NLGN3: variants seen among roughly 807,000 people sequenced by gnomAD.
NLGN3 encodes the protein neuroligin 3.
NLGN3 carries 11 observed loss-of-function variants against 42.9 expected under a neutral mutation model. The observed-to-expected ratio is 0.26, with a 90% CI of 0.16 to 0.42. The LOEUF is 0.42. Among genes scored for constraint, NLGN3 ranks in the 10% least tolerant of loss-of-function variants. NLGN3 has a pLI of 1.00. For missense variants in NLGN3, 374 were observed against 733.8 expected (o/e 0.51, Z 5.67); for synonymous variants, 279 against 312.7 (o/e 0.89, Z 1.14).
rs185656508 is a variant in NLGN3, at chrX:71,148,356, C to A, written c.457+150C>A. The stretch of plus-strand genomic sequence containing the variant: ...TCACTCTGCTTGGCCTCCCACCCCC[C>A]TCCCTGTTCTTCCCTCTCCCAGCAT... On this transcript the variant is annotated intron_variant, in intron 2 of 7. Transcript: ENST00000358741. 91 of 494,338 alleles carry A rather than the reference C, an allele frequency of 1.8e-4. No homozygotes were observed. In the African/African-American group the frequency reaches 1.9e-3, roughly 10 times the overall value. 40.7% of individuals were successfully genotyped at this position (494,338 alleles called of 1,213,427 possible). A position where few individuals can be genotyped will look rare whatever the true frequency, so the allele number is the denominator to read the frequency against.
chrX:71,171,920 G>C (rs866209704), downstream of NLGN3, among the ~76,000 whole-genome samples: 1 of 111,462 alleles, frequency 9.0e-6, no homozygotes, highest in African/African-American at 3.3e-5. Flanking sequence ...TGCTCGGCAA[G>C]TATGATAGTT....
downstream of NLGN3, among the ~76,000 whole-genome samples, chrX:71,172,186 A>G (rs2092472305): frequency 9.0e-6 from 1 of 111,652 alleles, no homozygotes; most frequent in Admixed American, 9.5e-5. Flanking sequence ...AAGTGAGTCC[A>G]TGGTGTAAAA....
rs1008292640 is a variant in NLGN3 at position 71,154,182 on chromosome X, T to G, written c.577+646T>G. Among the ~76,000 whole-genome samples the G allele has an allele frequency of 2.7e-5, 3 of 113,051 alleles. No homozygotes were observed. In the Admixed American group the frequency reaches 2.8e-4, roughly 10 times the overall value. The stretch of plus-strand genomic sequence containing the variant: ...CCATCAATAGATGGCATAAGATCCT[T>G]GGGCAATGATCGGACCAGCCTTCCT... On this transcript the variant is annotated intron_variant, in intron 4 of 7. Transcript: ENST00000358741.
At chrX:71,146,728 T>C (rs2092371925) in intron 1 of NLGN3, among the ~76,000 whole-genome samples, 1 of 111,651 alleles carries the variant, frequency 9.0e-6, no homozygotes, top group East Asian at 2.8e-4. Flanking sequence ...TGGCTTGGTC[T>C]CTCTCATTCC....
At chrX:71,155,458 T>C in intron 5 of NLGN3, 95 bp downstream of exon 5, 1 of 1,064,976 alleles carries the variant, frequency 9.4e-7, no homozygotes. Flanking sequence ...GCCTTGCTTC[T>C]CTAGCTGGTG....
intron 4 of NLGN3, 99 bp from the exon 5 acceptor site, chrX:71,155,115 C>G (rs746105234): frequency 5.1e-5 from 51 of 1,001,931 alleles, no homozygotes; most frequent in Non-Finnish European, 6.3e-5. Context: ...GTCCTGGCAC[C>G]TGGGATAGCT....
Position 71,169,775 on chromosome X carries a change from G to A in NLGN3, c.2225G>A (p.Arg742Gln), listed in dbSNP as rs779740957. The A allele has an allele frequency of 1.5e-5, 18 of 1,209,511 alleles. No homozygotes were observed. Among genetic ancestry groups the A allele is most frequent in the Non-Finnish European group, 2.0e-5 (18 of 894,905 alleles). The change falls in exon 8 of 8, where the codon CGG becomes CAG. Residue 742 changes from arginine (R) to glutamine (Q), a missense_variant. Transcript: ENST00000358741. ...RKDKRRQEPL[R>Q]QPSPQRGAGA... ...GACAAACGGCGCCAGGAGCCCCTGC[G>A]GCAGCCTAGCCCTCAGCGGGGAGCC...
At chrX:71,162,496 C>G (rs1316171659) in intron 5 of NLGN3, among the ~76,000 whole-genome samples, 2 of 111,767 alleles carry the variant, frequency 1.8e-5, no homozygotes, top group Non-Finnish European at 3.8e-5. Context: ...AAGCTGATTT[C>G]CTTGTCTGGA....
intron 6 of NLGN3, 37 bp from the exon 7 acceptor site, chrX:71,166,974 A>G: frequency 8.9e-7 from 1 of 1,120,349 alleles, no homozygotes; most frequent in Non-Finnish European, 1.2e-6. Context: ...TATGTGTGAC[A>G]CGACAGATCT....
intron 7 of NLGN3, among the ~76,000 whole-genome samples, 196 bp downstream of exon 7, chrX:71,167,996 A>G (rs2092452437): frequency 9.1e-6 from 1 of 110,307 alleles, no homozygotes; most frequent in African/African-American, 3.3e-5. Context: ...AATGTTGTTG[A>G]GGCTTAGAAC....
At chrX:71,168,658 G>A (rs2092454912) in intron 7 of NLGN3, among the ~76,000 whole-genome samples, 1 of 102,857 alleles carries the variant, frequency 9.7e-6, no homozygotes, top group Non-Finnish European at 2.0e-5. Context: ...GGAGGCAGAG[G>A]TTGCAGTGAG....
downstream of NLGN3, among the ~76,000 whole-genome samples, chrX:71,174,110 G>C (rs1485351494): frequency 8.9e-6 from 1 of 111,974 alleles, no homozygotes; most frequent in Non-Finnish European, 1.9e-5. Context: ...TTTTATGGTG[G>C]AAAAACAAAA....
At chrX:71,165,655 G>C (rs953845360) in intron 6 of NLGN3, among the ~76,000 whole-genome samples, 2 of 111,047 alleles carry the variant, frequency 1.8e-5, no homozygotes, top group African/African-American at 6.6e-5. Flanking sequence ...CCCCAGAGTA[G>C]CTGGGGACTA....
chrX:71,170,152 C>G lies in NLGN3; in HGVS notation c.*55C>G, dbSNP rs1203357571. 10 of 1,183,155 alleles carry G rather than the reference C, an allele frequency of 8.5e-6. No individual in the cohort carries two copies. The highest frequency in any genetic ancestry group is 1.1e-5 in the Non-Finnish European group (10 of 890,682). On this transcript the variant is annotated 3_prime_UTR_variant, in exon 8 of 8. Coordinates refer to ENST00000358741, the MANE Select transcript of NLGN3 (RefSeq NM_181303.2). Reference sequence around the variant, plus strand: ...GCTCCCTCCCTCCCAGATCCAGGAACACATGCACACACACACACACACACA... The same window carrying G: ...GCTCCCTCCCTCCCAGATCCAGGAAGACATGCACACACACACACACACACA...
chrX:71,173,975 G>A (rs1394122209), downstream of NLGN3, among the ~76,000 whole-genome samples: 1 of 111,628 alleles, frequency 9.0e-6, no homozygotes, highest in East Asian at 2.8e-4. Flanking sequence ...GTGTGCTTGA[G>A]GGGATGGGCC....
In NLGN3 at chrX:71,148,142, T is replaced by A; in HGVS notation, c.393T>A (p.Ala131=). Residue 131 remains alanine (A), a synonymous_variant, in exon 2 of 8, where the codon GCT becomes GCA. Coordinates refer to ENST00000358741, the MANE Select transcript of NLGN3 (RefSeq NM_181303.2). ...VWFTANLDIV[A]TYIQEPNEDC... is the part of the protein sequence containing the mutation. ...TCACTGCCAACTTGGATATCGTCGC[T>A]ACTTACATCCAGGAGCCCAACGAAG... is the stretch of plus-strand genomic sequence containing the variant. The A allele has an allele frequency of 8.3e-7, 1 of 1,211,201 alleles. No homozygotes were observed. The highest frequency in any genetic ancestry group is 1.1e-6 in the Non-Finnish European group (1 of 895,291).
Position 71,170,226 on chromosome X carries a change from C to A in NLGN3, c.*129C>A, listed in dbSNP as rs2092467005. ...ATATATGTATACGCACGCACCCACACCCTACAGCAGATCCACCTGCACAAA... is the reference window on the plus strand; with the variant it reads ...ATATATGTATACGCACGCACCCACAACCTACAGCAGATCCACCTGCACAAA... On this transcript the variant is annotated 3_prime_UTR_variant, in exon 8 of 8. Transcript: ENST00000358741. 1.0e-5 allele frequency: 12 copies of A among 1,151,427 alleles called. No homozygotes were observed. The South Asian group carries it at 1.2e-4, about 11-fold the overall frequency. 94.9% of individuals were successfully genotyped at this position (1,151,427 alleles called of 1,213,427 possible). A position where few individuals can be genotyped will look rare whatever the true frequency, so the allele number is the denominator to read the frequency against.
In NLGN3 at chrX:71,170,505, G is replaced by A. The variant is rs558755288; in HGVS notation, c.*408G>A. The A allele has an allele frequency of 2.1e-5, 18 of 853,019 alleles. No homozygotes were observed. In the South Asian group the frequency reaches 6.6e-4, roughly 31 times the overall value. The allele number at this position is 853,019 out of a possible 1,213,427, so 70.3% of individuals were successfully genotyped here. On this transcript the variant is annotated 3_prime_UTR_variant, in exon 8 of 8. Coordinates refer to ENST00000358741, the MANE Select transcript of NLGN3 (RefSeq NM_181303.2). Reference sequence around the variant, plus strand: ...CCACCGACCAACTCCAGACTTGGGAGCTTTAAAGAGCAGGATAGCTCTTCC... The same window carrying A: ...CCACCGACCAACTCCAGACTTGGGAACTTTAAAGAGCAGGATAGCTCTTCC...
intron 7 of NLGN3, 43 bp downstream of exon 7, chrX:71,167,843 A>C (rs778437895): frequency 9.2e-7 from 1 of 1,082,956 alleles, no homozygotes; most frequent in African/African-American, 1.8e-5. Flanking sequence ...AGACCCCAGC[A>C]TGCCCTCCCC....
Sources: gnomAD v4.1 joint callset for allele counts (sites outside exome capture counted in the v4.1 genomes callset) on GRCh38, gnomAD v4.1.1 for gene constraint, MANE v1.5 for transcripts, NCBI Gene and HGNC (gene_info 2026-07-23, HGNC 2026-07-21) for gene names.